Variants in EGFL6 observed in about 807,000 individuals in gnomAD.
EGFL6 encodes epidermal growth factor-like protein 6.
Under a neutral mutation model 43.1 loss-of-function variants are expected in EGFL6, and 42 were observed. The ratio of observed to expected loss-of-function variants is 0.98; its 90% confidence interval spans 0.76 to 1.26. EGFL6 has a LOEUF of 1.26. Among genes scored for constraint, EGFL6 ranks in the 50% most tolerant of loss-of-function variants. The pLI is 0.00. For synonymous variants in EGFL6, 164 were observed against 163.2 expected (o/e 1.01, Z -0.04); for missense variants, 429 against 427.8 (o/e 1.00, Z -0.02).
chrX:13,623,857 A>T lies in EGFL6; in HGVS notation c.1217A>T (p.His406Leu), dbSNP rs773206930. The change falls in exon 10 of 12, where the codon CAT becomes CTT. Residue 406 changes from histidine to leucine, a missense_variant. Transcript: ENST00000361306. The stretch of plus-strand genomic sequence containing the variant: ...ATCTCGGTTGACTGCAGCTTCAATC[A>T]TGGGATCTGTGACTGGAAACAGGAT... ...LNISVDCSFN[H>L]GICDWKQDRE... 2 of 1,207,739 alleles carry T rather than the reference A, an allele frequency of 1.7e-6. No homozygotes were observed. The highest frequency in any genetic ancestry group is 3.0e-5 in the East Asian group (1 of 33,747).
chrX:13,589,569 G>A lies in EGFL6; in HGVS notation c.88G>A (p.Gly30Arg), dbSNP rs867038905. The change falls in exon 2 of 12, where the codon GGG becomes AGG. Residue 30 changes from glycine to arginine, a missense_variant. Coordinates refer to ENST00000361306, the MANE Select transcript of EGFL6 (RefSeq NM_015507.4). Reference protein sequence around the residue: ...FGNAASARHHGLLASARQPGV... With the variant: ...FGNAASARHHRLLASARQPGV... The stretch of plus-strand genomic sequence containing the variant: ...CTTTATCTGCAGTGCAAGGCATCAC[G>A]GGTTGTTAGCATCGGCACGTCAGCC... 5 of 1,210,042 alleles carry A rather than the reference G, an allele frequency of 4.1e-6. No individual in the cohort carries two copies. Among genetic ancestry groups the A allele is most frequent in the Non-Finnish European group, 4.5e-6 (4 of 894,405 alleles).
At chrX:13,632,163 C>T (rs1048231652) in intron 11 of EGFL6, among the ~76,000 whole-genome samples, 7 of 108,657 alleles carry the variant, frequency 6.4e-5, no homozygotes, top group South Asian at 4.0e-4. Context: ...ATAATTAGGC[C>T]GGGCACGGTG....
intron 7 of EGFL6, among the ~76,000 whole-genome samples, chrX:13,613,534 G>A (rs2045703786): frequency 1.8e-5 from 2 of 111,348 alleles, no homozygotes; most frequent in African/African-American, 6.6e-5. Context: ...CTTGATTCCT[G>A]ACTTGCTAGC....
rs2045736400 is a variant in EGFL6 at position 13,619,197 on chromosome X, G to C, written c.1137G>C (p.Leu379=). The part of the protein sequence containing the change: ...PKVNEAGEFG[L]ILVQRKALTS... The stretch of plus-strand genomic sequence containing the variant: ...TGAATGAAGCAGGTGAATTCGGCCT[G>C]ATTCTGGTCCAAAGGAAAGCGCTAA... Residue 379 remains leucine, a synonymous_variant, in exon 9 of 12, where the codon CTG becomes CTC. Transcript: ENST00000361306. 2.4e-5 allele frequency: 29 copies of C among 1,211,809 alleles called. No individual in the cohort carries two copies. The highest frequency in any genetic ancestry group is 3.1e-5 in the Non-Finnish European group (28 of 895,316).
chrX:13,600,277 CTTCTTTTTTTT>C (rs2045625555), intron 4 of EGFL6, among the ~76,000 whole-genome samples, 183 bp downstream of exon 4: 1 of 60,652 alleles, frequency 1.6e-5, no homozygotes. Context: ...TTCTTTCTTT[CTTCTTTTTTTT>C]TTTTTTTTTT....
At chrX:13,592,406 A>T (rs181168372) in intron 2 of EGFL6, among the ~76,000 whole-genome samples, 1 of 111,585 alleles carries the variant, frequency 9.0e-6, no homozygotes, top group African/African-American at 3.3e-5. Flanking sequence ...CCCCATTAAA[A>T]GTTCTACAGT....
chrX:13,630,890 A>G (rs1385622115), intron 11 of EGFL6, among the ~76,000 whole-genome samples: 4 of 112,555 alleles, frequency 3.6e-5, no homozygotes, highest in African/African-American at 9.7e-5. Flanking sequence ...TGTGAGCATG[A>G]TTCTTAAAGG....
At chrX:13,576,913 C>T (rs979223081) in intron 1 of EGFL6, among the ~76,000 whole-genome samples, 12 of 111,554 alleles carry the variant, frequency 1.1e-4, no homozygotes, top group Non-Finnish European at 2.3e-4. Context: ...CTTCTAGTTT[C>T]ATCAGTTAAC....
At chrX:13,599,060 C>G (rs1019361683) in intron 3 of EGFL6, among the ~76,000 whole-genome samples, 2 of 109,019 alleles carry the variant, frequency 1.8e-5, no homozygotes, top group African/African-American at 6.7e-5. Context: ...TGACAGGGCT[C>G]CCTCTAGAGG....
rs372553562 is a variant in EGFL6 at position 13,627,138 on chromosome X, C to T, written c.1413C>T (p.Ala471=). 131 of 1,210,451 alleles carry T rather than the reference C, an allele frequency of 1.1e-4. No homozygotes were observed. The highest frequency in any genetic ancestry group is 1.4e-4 in the Non-Finnish European group (123 of 895,401). Residue 471 remains alanine, a synonymous_variant, in exon 11 of 12, where the codon GCC becomes GCT. Coordinates refer to ENST00000361306, the MANE Select transcript of EGFL6 (RefSeq NM_015507.4). ...NFCLLFDYRL[A]GDKVGKLRVF... is the part of the protein sequence containing the mutation. ...GTTTGCTCTTTGATTACCGGCTGGC[C>T]GGAGACAAAGTCGGGAAACTTCGAG... is the stretch of plus-strand genomic sequence containing the variant.
At chrX:13,576,733 T>C (rs2045473476) in intron 1 of EGFL6, among the ~76,000 whole-genome samples, 1 of 111,964 alleles carries the variant, frequency 8.9e-6, no homozygotes, top group South Asian at 3.7e-4. Context: ...AAATTACAGA[T>C]CACATCTCCA....
rs967622558 is a variant in EGFL6, at chrX:13,623,836, C to T, written c.1196C>T (p.Ser399Leu). 3.3e-6 allele frequency: 4 copies of T among 1,205,636 alleles called. No individual in the cohort carries two copies. The highest frequency in any genetic ancestry group is 3.0e-5 in the East Asian group (1 of 33,776). ...SKLEHKDLNI[S>L]VDCSFNHGIC... Reference sequence around the variant, plus strand: ...TTCTTTTTAGCAGATTTAAATATCTCGGTTGACTGCAGCTTCAATCATGGG... The same window carrying T: ...TTCTTTTTAGCAGATTTAAATATCTTGGTTGACTGCAGCTTCAATCATGGG... The change falls in exon 10 of 12, where the codon TCG (serine) becomes TTG (leucine). Residue 399 changes from serine (S) to leucine (L), a missense_variant. Transcript: ENST00000361306.
At chrX:13,623,748 C>A in intron 9 of EGFL6, 76 bp from the exon 10 acceptor site, 2 of 807,773 alleles carry the variant, frequency 2.5e-6, no homozygotes, top group Non-Finnish European at 3.7e-6. Flanking sequence ...CAAGGTATTG[C>A]CTTCCAAAGC....
At chrX:13,597,701 A>G (rs766872804) in intron 3 of EGFL6, among the ~76,000 whole-genome samples, 18 of 111,127 alleles carry the variant, frequency 1.6e-4, no homozygotes, top group Non-Finnish European at 2.8e-4. Flanking sequence ...GGAGAATCAC[A>G]TGAACCTGGG....
At chrX:13,574,363 C>T (rs1243720478) in intron 1 of EGFL6, among the ~76,000 whole-genome samples, 2 of 111,856 alleles carry the variant, frequency 1.8e-5, no homozygotes, top group African/African-American at 3.2e-5. Context: ...GCCAGTAAAA[C>T]AGGGAACTAC....
chrX:13,588,011 T>C (rs2045542975), intron 1 of EGFL6, among the ~76,000 whole-genome samples: 1 of 112,180 alleles, frequency 8.9e-6, no homozygotes, highest in Admixed American at 9.4e-5. Flanking sequence ...TTGTTAAATA[T>C]CCTACAATGC....
chrX:13,612,582 C>T (rs925967754), intron 7 of EGFL6, among the ~76,000 whole-genome samples: 4 of 110,924 alleles, frequency 3.6e-5, no homozygotes, highest in East Asian at 2.9e-4. Flanking sequence ...GACGGGGTGG[C>T]GGCCGGGCAG....
chrX:13,625,885 C>CAAAAAAAAAAAAAAA (rs755901799), intron 10 of EGFL6, among the ~76,000 whole-genome samples: 2 of 30,897 alleles, frequency 6.5e-5, no homozygotes, highest in African/African-American at 2.2e-4. Context: ...GACCCTGCCT[C>CAAAAAAAAAAAAAAA]AAAAAAAAAA....
chrX:13,599,910 A>G (rs2045622088), intron 3 of EGFL6, 65 bp from the exon 4 acceptor site: 1 of 1,156,275 alleles, frequency 8.6e-7, no homozygotes, highest in Non-Finnish European at 1.2e-6. Flanking sequence ...CTGGGGTCTA[A>G]TATTCCCCAT....
Sources: allele counts gnomAD v4.1 joint callset (sites outside exome capture counted in the v4.1 genomes callset), GRCh38; gene constraint gnomAD v4.1.1; transcripts MANE v1.5; gene names NCBI Gene and HGNC (gene_info 2026-07-23, HGNC 2026-07-21).